GRIN2A: variants seen among roughly 807,000 people sequenced by gnomAD.
GRIN2A encodes the protein glutamate ionotropic receptor NMDA type subunit 2A.
In GRIN2A, 22 loss-of-function variants were observed where a neutral mutation model predicts 113.4. The observed-to-expected ratio is 0.19, with a 90% CI of 0.14 to 0.28. The LOEUF is 0.28. Among genes scored for constraint, GRIN2A ranks in the 10% least tolerant of loss-of-function variants. The pLI is 1.00. For missense variants in GRIN2A, 1,502 were observed against 1,887.0 expected, an observed-to-expected ratio of 0.80 and a Z score of 3.78; for synonymous variants, 827 against 738.4, an observed-to-expected ratio of 1.12 and a Z score of -1.94.
chr16:9,972,041 G>C (rs2045682474), intron 2 of GRIN2A, among the ~76,000 whole-genome samples: 1 of 152,118 alleles, frequency 6.6e-6, no homozygotes, highest in Non-Finnish European at 1.5e-5. Flanking sequence ...GAAGTCCACG[G>C]CCAGCAGAAT....
chr16:9,845,933 C>T (rs1352173015), intron 5 of GRIN2A, among the ~76,000 whole-genome samples: 1 of 152,224 alleles, frequency 6.6e-6, no homozygotes, highest in Non-Finnish European at 1.5e-5. Flanking sequence ...TTTGCCCTCC[C>T]TGTTCATCCA....
chr16:10,148,353 T>C (rs900272013), intron 2 of GRIN2A, among the ~76,000 whole-genome samples: 2 of 152,212 alleles, frequency 1.3e-5, no homozygotes, highest in African/African-American at 4.8e-5. Context: ...ACCTAAGTTA[T>C]CAGTTAATCA....
intron 2 of GRIN2A, among the ~76,000 whole-genome samples, chr16:9,958,544 C>T (rs537866065): frequency 1.3e-4 from 20 of 152,142 alleles, no homozygotes; most frequent in African/African-American, 4.3e-4. Flanking sequence ...CCCAGAAATC[C>T]GTATTTTTAA....
intron 2 of GRIN2A, among the ~76,000 whole-genome samples, chr16:9,993,512 T>G (rs1051781310): frequency 6.6e-6 from 1 of 151,794 alleles, no homozygotes; most frequent in African/African-American, 2.4e-5. Flanking sequence ...GCTACGATCA[T>G]GACACTGCAC....
chr16:9,781,322 G>A (rs1272437762), intron 11 of GRIN2A, among the ~76,000 whole-genome samples: 1 of 152,090 alleles, frequency 6.6e-6, no homozygotes, highest in Non-Finnish European at 1.5e-5. Flanking sequence ...TGGTAAAATT[G>A]GTACATTGAT....
chr16:9,991,793 C>T (rs1464761841), intron 2 of GRIN2A, among the ~76,000 whole-genome samples: 1 of 152,162 alleles, frequency 6.6e-6, no homozygotes, highest in Non-Finnish European at 1.5e-5. Flanking sequence ...AGCAAACTAA[C>T]ATAGGAACAT....
intron 2 of GRIN2A, among the ~76,000 whole-genome samples, chr16:10,059,488 T>G (rs187281063): frequency 6.6e-6 from 1 of 152,146 alleles, no homozygotes; most frequent in African/African-American, 2.4e-5. Context: ...AGGATTCAGC[T>G]ACCCCTGGCT....
chr16:10,086,605 C>CAAAAAAA (rs3033377), intron 2 of GRIN2A, among the ~76,000 whole-genome samples: 1 of 99,724 alleles, frequency 1.0e-5, no homozygotes, highest in African/African-American at 4.1e-5. Flanking sequence ...GGAGCAGCTC[C>CAAAAAAA]AAAAAAAAAA....
chr16:9,971,006 T>A (rs192712124), intron 2 of GRIN2A, among the ~76,000 whole-genome samples: 30 of 152,140 alleles, frequency 2.0e-4, no homozygotes, highest in African/African-American at 7.2e-4. Flanking sequence ...GAGGCAAGAC[T>A]GGGGGGAAGG....
Position 9,803,415 on chromosome 16 carries a change from C to CA in GRIN2A, c.2169-4952dup, listed in dbSNP as rs1045822082. On this transcript the variant is annotated intron_variant, in intron 10 of 12. Transcript: ENST00000330684. Reference sequence around the variant, plus strand: ...GGGCAACAAGAGCAAAACTCCATCTCAAAAAAAAAAACAAGAAAGAAAAAT... The same window carrying CA: ...GGGCAACAAGAGCAAAACTCCATCTCAAAAAAAAAAAACAAGAAAGAAAAAT... Among the ~76,000 whole-genome samples, 934 of 137,658 alleles carry CA rather than the reference C, an allele frequency of 6.8e-3. 3 individuals carry two copies. The highest frequency in any genetic ancestry group is 8.6e-3 in the African/African-American group (321 of 37,278). The allele number at this position is 137,658 out of a possible 152,430, so 90.3% of individuals were successfully genotyped here. A position where few individuals can be genotyped will look rare whatever the true frequency, so the allele number is the denominator to read the frequency against.
chr16:10,136,390 C>G (rs962247091), intron 2 of GRIN2A, among the ~76,000 whole-genome samples: 3 of 152,130 alleles, frequency 2.0e-5, no homozygotes, highest in Non-Finnish European at 4.4e-5. Context: ...TCATTTGCAA[C>G]TAGGTGCTAA....
intron 7 of GRIN2A, among the ~76,000 whole-genome samples, chr16:9,835,534 A>G (rs920169514): frequency 6.6e-6 from 1 of 152,244 alleles, no homozygotes; most frequent in Non-Finnish European, 1.5e-5. Flanking sequence ...AATTTTAAAA[A>G]TGAATACATC....
intron 2 of GRIN2A, among the ~76,000 whole-genome samples, chr16:10,113,133 C>T (rs756786798): frequency 9.2e-5 from 14 of 152,106 alleles, no homozygotes; most frequent in Non-Finnish European, 1.8e-4. Flanking sequence ...GGCTCTCAGG[C>T]CCTGCGCCTG....
At chr16:9,915,281 T>A (rs936319475) in intron 3 of GRIN2A, among the ~76,000 whole-genome samples, 1 of 151,836 alleles carries the variant, frequency 6.6e-6, no homozygotes, top group African/African-American at 2.4e-5. Flanking sequence ...TGACGGCAAT[T>A]TACAAGTCAG....
intron 2 of GRIN2A, among the ~76,000 whole-genome samples, chr16:10,010,764 T>C (rs1567232685): frequency 1.3e-5 from 2 of 151,962 alleles, no homozygotes; most frequent in Non-Finnish European, 2.9e-5. Context: ...AAAAGGAATA[T>C]CTCCCCTTGC....
At chr16:10,052,771 G>C (rs1240162279) in intron 2 of GRIN2A, among the ~76,000 whole-genome samples, 1 of 152,150 alleles carries the variant, frequency 6.6e-6, no homozygotes, top group Non-Finnish European at 1.5e-5. Context: ...AGTGAGGCCA[G>C]GCATGGTGGC....
intron 2 of GRIN2A, among the ~76,000 whole-genome samples, chr16:10,016,257 C>G (rs1452598930): frequency 6.6e-6 from 1 of 152,028 alleles, no homozygotes; most frequent in Admixed American, 6.6e-5. Context: ...AGGAAAGACA[C>G]TTTGGATACC....
At chr16:9,969,569 C>T (rs1487236137) in intron 2 of GRIN2A, among the ~76,000 whole-genome samples, 1 of 152,174 alleles carries the variant, frequency 6.6e-6, no homozygotes, top group African/African-American at 2.4e-5. Context: ...TTAAGCTCAG[C>T]AGACTCTAAA....
intron 11 of GRIN2A, among the ~76,000 whole-genome samples, chr16:9,770,790 T>G (rs1418122535): frequency 6.6e-6 from 1 of 152,192 alleles, no homozygotes; most frequent in Non-Finnish European, 1.5e-5. Context: ...TAGATTTTAT[T>G]TTTTTAGAGT....
Sources: allele counts gnomAD v4.1 joint callset (sites outside exome capture counted in the v4.1 genomes callset), GRCh38; gene constraint gnomAD v4.1.1; transcripts MANE v1.5; gene names NCBI Gene and HGNC (gene_info 2026-07-23, HGNC 2026-07-21).